Variants in HIPK2 observed in about 807,000 individuals in gnomAD.
The protein encoded by HIPK2 is homeodomain-interacting protein kinase 2.
HIPK2 carries 27 observed loss-of-function variants against 113.7 expected under a neutral mutation model. The observed-to-expected ratio is 0.24, with a 90% CI of 0.17 to 0.33. The LOEUF (loss-of-function observed/expected upper bound fraction) is 0.33, where lower values mean the gene tolerates loss of function less well. Among genes scored for constraint, HIPK2 ranks in the 10% least tolerant of loss-of-function variants. The pLI, the probability that HIPK2 is intolerant of heterozygous loss-of-function variation, is 1.00. For missense variants in HIPK2, 1,257 were observed against 1,588.0 expected (o/e 0.79, Z 3.54); for synonymous variants, 631 against 642.2 (o/e 0.98, Z 0.26).
At chr7:139,721,558 T>G (rs1795408472) in intron 1 of HIPK2, among the ~76,000 whole-genome samples, 3 of 152,220 alleles carry the variant, frequency 2.0e-5, no homozygotes, top group African/African-American at 4.8e-5. Context: ...CTCATTTCTT[T>G]CTGTATTGAC....
At chr7:139,702,195 A>G (rs1201076313) in intron 2 of HIPK2, among the ~76,000 whole-genome samples, 1 of 152,144 alleles carries the variant, frequency 6.6e-6, no homozygotes, top group African/African-American at 2.4e-5. Context: ...TCAGTTCTGC[A>G]AATATTGGGG....
rs146850391 is a variant in HIPK2, at chr7:139,605,159, G to A, written c.2113-936C>T. 1.6e-3 allele frequency among the ~76,000 whole-genome samples: 239 copies of A among 152,144 alleles called. 1 individual carries two copies. Among genetic ancestry groups the A allele is most frequent in the African/African-American group, 5.6e-3 (233 of 41,508 alleles). On this transcript the variant is annotated intron_variant, in intron 9 of 14. Transcript: ENST00000406875. ...CTCAAAGCAAAAATGAGAGAGAGGC[G>A]GAAGTCACTGCTTGAACCTAATTTT...
intron 2 of HIPK2, among the ~76,000 whole-genome samples, chr7:139,654,079 A>G (rs1191122937): frequency 1.3e-5 from 2 of 152,190 alleles, no homozygotes; most frequent in African/African-American, 4.8e-5. Flanking sequence ...TGTGCAGCCC[A>G]GCTTATTGAA....
At chr7:139,655,201 C>T (rs1260749046) in intron 2 of HIPK2, among the ~76,000 whole-genome samples, 2 of 152,226 alleles carry the variant, frequency 1.3e-5, no homozygotes, top group African/African-American at 2.4e-5. Context: ...ACAAGGATCA[C>T]AGTCAGTTAA....
intron 2 of HIPK2, among the ~76,000 whole-genome samples, chr7:139,642,053 C>A (rs1269559437): frequency 6.6e-6 from 1 of 152,192 alleles, no homozygotes; most frequent in East Asian, 1.9e-4. Context: ...GCAAGACACT[C>A]TATTAGTCCA....
intron 1 of HIPK2, among the ~76,000 whole-genome samples, chr7:139,764,612 C>T (rs1040576494): frequency 6.6e-6 from 1 of 152,084 alleles, no homozygotes. Flanking sequence ...GAGAGAGGTC[C>T]AGTAGCTTGA....
intron 1 of HIPK2, among the ~76,000 whole-genome samples, chr7:139,733,637 T>G (rs1795855557): frequency 6.6e-6 from 1 of 152,220 alleles, no homozygotes; most frequent in Admixed American, 6.5e-5. Flanking sequence ...TAGAAAAATT[T>G]AAAGGATAAA....
chr7:139,651,092 C>G (rs372117875), intron 2 of HIPK2, among the ~76,000 whole-genome samples: 7 of 152,340 alleles, frequency 4.6e-5, no homozygotes, highest in African/African-American at 1.7e-4. Context: ...CGCAGAGAAG[C>G]TCTGGATTTG....
intron 1 of HIPK2, among the ~76,000 whole-genome samples, chr7:139,746,371 T>C (rs1400806048): frequency 2.6e-5 from 4 of 152,190 alleles, no homozygotes; most frequent in Non-Finnish European, 5.9e-5. Context: ...CAGGGTTTTC[T>C]CTTTGGGCCT....
intron 2 of HIPK2, among the ~76,000 whole-genome samples, chr7:139,697,228 C>G (rs1344458400): frequency 6.6e-6 from 1 of 152,190 alleles, no homozygotes; most frequent in African/African-American, 2.4e-5. Flanking sequence ...ATAACACCAC[C>G]ACTTCCATCA....
In HIPK2 at chr7:139,614,389, T is replaced by C. The variant is rs768650291; in HGVS notation, c.1887A>G (p.Ala629=). 3 of 1,580,824 alleles carry C rather than the reference T, an allele frequency of 1.9e-6. No homozygotes were observed. The highest frequency in any genetic ancestry group is 1.7e-6 in the Non-Finnish European group (2 of 1,159,068). Residue 629 remains alanine, a synonymous_variant, in exon 8 of 15, where the codon GCA becomes GCG. Transcript: ENST00000406875. ...GCAGGGGCATGCTCCGCTGGGCCAC[T>C]GCAGCCATGGATGCCGCTGAGGGCT... ...LYQPSAASMA[A]VAQRSMPLQT...
chr7:139,579,845 C>T (rs1015711089), intron 13 of HIPK2, among the ~76,000 whole-genome samples: 2 of 152,224 alleles, frequency 1.3e-5, no homozygotes, highest in South Asian at 2.1e-4. Context: ...TCCACTGAAT[C>T]GGAATCCCTC....
At chr7:139,752,789 C>T (rs971578042) in intron 1 of HIPK2, among the ~76,000 whole-genome samples, 2 of 151,732 alleles carry the variant, frequency 1.3e-5, no homozygotes, top group Non-Finnish European at 1.5e-5. Context: ...ACCGGCCACA[C>T]AGCCCTGCTG....
chr7:139,648,948 A>T (rs1159603879), intron 2 of HIPK2, among the ~76,000 whole-genome samples: 1 of 152,086 alleles, frequency 6.6e-6, no homozygotes, highest in East Asian at 1.9e-4. Context: ...CAAAACCCCA[A>T]ACGGAAGAAC....
At chr7:139,719,063 C>T (rs1299312196) in intron 1 of HIPK2, among the ~76,000 whole-genome samples, 2 of 152,158 alleles carry the variant, frequency 1.3e-5, no homozygotes, top group Non-Finnish European at 2.9e-5. Flanking sequence ...CTCTGGACTT[C>T]AGTGAATCTG....
chr7:139,582,453 G>A (rs139390648), intron 13 of HIPK2, among the ~76,000 whole-genome samples: 5 of 152,232 alleles, frequency 3.3e-5, no homozygotes, highest in Admixed American at 2.0e-4. Flanking sequence ...CCACAGGAGC[G>A]CTGGCTCTGA....
chr7:139,718,627 TGA>T (rs1452263944), intron 1 of HIPK2, among the ~76,000 whole-genome samples: 1 of 152,228 alleles, frequency 6.6e-6, no homozygotes. Flanking sequence ...CATTTTCTCT[TGA>T]ACCTGCTTCC....
chr7:139,623,069 T>C (rs1316006201), intron 6 of HIPK2, among the ~76,000 whole-genome samples: 1 of 152,226 alleles, frequency 6.6e-6, no homozygotes, highest in African/African-American at 2.4e-5. Flanking sequence ...CTCCTATCCG[T>C]AGCTGTTTCT....
At position 139,569,551 on chromosome 7, in the gene HIPK2, A is replaced by G. The variant is rs1184626458; in HGVS notation, c.*3376T>C. ...ACTCGACATTCCCCGAGCCCATGAG[A>G]TGCCACCTGACGTCGCATCCCAGGC... On this transcript the variant is annotated 3_prime_UTR_variant, in exon 15 of 15. Coordinates refer to ENST00000406875, the MANE Select transcript of HIPK2 (RefSeq NM_022740.5). 8 of 152,176 alleles carry G rather than the reference A, an allele frequency of 5.3e-5. No homozygotes were observed. Among genetic ancestry groups the G allele is most frequent in the Non-Finnish European group, 1.2e-4 (8 of 68,040 alleles). 9.4% of individuals were successfully genotyped at this position (152,176 alleles called of 1,614,324 possible).
Sources: allele counts gnomAD v4.1 joint callset (sites outside exome capture counted in the v4.1 genomes callset), GRCh38; gene constraint gnomAD v4.1.1; transcripts MANE v1.5; gene names NCBI Gene and HGNC (gene_info 2026-07-23, HGNC 2026-07-21).